The following PPCS variants were observed in gnomAD, a reference collection of about 807,000 sequenced individuals.
PPCS encodes the protein phosphopantothenoylcysteine synthetase.
In PPCS, 17 loss-of-function variants were observed where a neutral mutation model predicts 24.6. The observed-to-expected ratio is 0.69, with a 90% CI of 0.47 to 1.04. The LOEUF is 1.04. PPCS is among the 50% of genes least tolerant of loss of function. The pLI is 0.00. For synonymous variants in PPCS, 190 were observed against 168.3 expected (o/e 1.13, Z -1.00); for missense variants, 360 against 402.8 (o/e 0.89, Z 0.91).
At position 42,470,317 on chromosome 1, in the gene PPCS, T is replaced by C. The variant is rs79664191; in HGVS notation, n.378-2805T>C. On this transcript the variant is annotated intron_variant and non_coding_transcript_variant, in intron 2 of 2. Transcript: ENST00000471420. ...ATTTTTTTTTTAAAGTAACCCAAAGTAAGTGTTGACAAGGATGTGAAGATA... is the reference window on the plus strand; with the variant it reads ...ATTTTTTTTTTAAAGTAACCCAAAGCAAGTGTTGACAAGGATGTGAAGATA... 3.8e-3 allele frequency among the ~76,000 whole-genome samples: 582 copies of C among 151,734 alleles called. 1 individual carries two copies. Among genetic ancestry groups the C allele is most frequent in the African/African-American group, 0.012 (516 of 41,326 alleles).
At chr1:42,462,475 A>C (rs1177835941), downstream of PPCS, among the ~76,000 whole-genome samples, 1 of 152,186 alleles carries the variant, frequency 6.6e-6, no homozygotes, top group Non-Finnish European at 1.5e-5. Context: ...TTATTATATA[A>C]AGAGTAAAAT....
chr1:42,463,405 T>C (rs1643468584), downstream of PPCS: 1 of 152,160 alleles, frequency 6.6e-6, no homozygotes, highest in African/African-American at 2.4e-5. Context: ...GTTCTTGAGG[T>C]TCCTGCCTCA....
downstream of PPCS, among the ~76,000 whole-genome samples, chr1:42,465,373 G>GTTTT (rs113545104): frequency 0.019 from 2,946 of 152,058 alleles, 107 homozygotes; most frequent in African/African-American, 0.067. Flanking sequence ...GTTTTGTTTT[G>GTTTT]TTTTGTTTGA....
downstream of PPCS, among the ~76,000 whole-genome samples, chr1:42,465,595 C>A (rs776511873): frequency 3.3e-5 from 5 of 152,134 alleles, no homozygotes; most frequent in African/African-American, 1.2e-4. Context: ...GAACTCCTGA[C>A]CCCAGGTGAT....
intron 2 of PPCS, chr1:42,467,930 G>C (rs1643642046): frequency 6.6e-6 from 1 of 152,218 alleles, no homozygotes; most frequent in African/African-American, 2.4e-5. Flanking sequence ...TTTCAGCCTT[G>C]CTGATGAGCA....
downstream of PPCS, among the ~76,000 whole-genome samples, chr1:42,465,552 C>T (rs1167105264): frequency 3.9e-5 from 6 of 151,940 alleles, no homozygotes; most frequent in South Asian, 2.1e-4. Flanking sequence ...TTAGTAGAGA[C>T]GGGGTTTCTC....
In PPCS at chr1:42,456,751, C is replaced by G; in HGVS notation, c.186C>G (p.Ser62Arg). Residue 62 changes from serine (S) to arginine (R), a missense_variant, in exon 1 of 3, where the codon AGC becomes AGG. Physicochemically the swap from Ser to Arg is moderately radical, Grantham distance 110. Coordinates refer to ENST00000372561, the MANE Select transcript of PPCS (RefSeq NM_024664.4). ...TGCGCTTCCTGGACAACTTCAGCAG[C>G]GGGCGGCGCGGTGCAACCTCGGCCG... ...RPVRFLDNFSSGRRGATSAEA... is the reference protein window; with the variant it reads ...RPVRFLDNFSRGRRGATSAEA... 6.2e-7 allele frequency: 1 copy of G among 1,611,368 alleles called. No individual in the cohort carries two copies. Among genetic ancestry groups the G allele is most frequent in the African/African-American group, 1.3e-5 (1 of 75,046 alleles).
At chr1:42,470,361 G>A (rs1406943408) in intron 2 of PPCS, among the ~76,000 whole-genome samples, 2 of 151,980 alleles carry the variant, frequency 1.3e-5, no homozygotes, top group South Asian at 2.1e-4. Flanking sequence ...TGCATTGCTG[G>A]TAGGAACGTA....
At chr1:42,473,136 A>G in exon 3 of PPCS, 2 of 1,229,138 alleles carry the variant, frequency 1.6e-6, no homozygotes, top group Non-Finnish European at 2.0e-6. Context: ...AAGTTCAGTT[A>G]GAAGACATAC....
chr1:42,456,662 C>G lies in PPCS; in HGVS notation c.97C>G (p.Gln33Glu). 1.2e-6 allele frequency: 2 copies of G among 1,600,922 alleles called. No individual in the cohort carries two copies. Among genetic ancestry groups the G allele is most frequent in the Non-Finnish European group, 1.7e-6 (2 of 1,175,866 alleles). Residue 33 changes from glutamine to glutamate, a missense_variant, in exon 1 of 3, where the codon CAG becomes GAG. Around this residue, in one of 2 missense-constraint regions of PPCS, gnomAD observed 244 missense variants for 234.7 expected, o/e 1.04. Coordinates refer to ENST00000372561, the MANE Select transcript of PPCS (RefSeq NM_024664.4). ...MARFAARLGAQGRRVVLVTSG... is the reference protein window; with the variant it reads ...MARFAARLGAEGRRVVLVTSG... ...TCGCTTCGCGGCCAGGCTGGGCGCG[C>G]AGGGCCGGCGGGTGGTGTTGGTTAC...
At chr1:42,464,430 A>G (rs771719849), downstream of PPCS, among the ~76,000 whole-genome samples, 4 of 152,352 alleles carry the variant, frequency 2.6e-5, no homozygotes, top group South Asian at 6.2e-4. Flanking sequence ...TATGAACCCA[A>G]CACTGGGGAT....
rs188935592 is a variant in PPCS at position 42,466,910 on chromosome 1, C to T, written n.378-6212C>T. Among the ~76,000 whole-genome samples the T allele has an allele frequency of 2.3e-3, 344 of 152,240 alleles. 2 individuals are homozygous for T. The highest frequency in any genetic ancestry group is 8.0e-3 in the African/African-American group (331 of 41,528). On this transcript the variant is annotated intron_variant and non_coding_transcript_variant, in intron 2 of 2. Transcript: ENST00000471420. ...GCAATTTTAGGTACAGTTTAGATGT[C>T]AGAGCATTTATAATTTAGTTTTATT...
Position 42,456,813 on chromosome 1 carries a change from T to A in PPCS, c.248T>A (p.Leu83Ter), listed in dbSNP as rs749643907. 17 of 1,613,424 alleles carry A rather than the reference T, an allele frequency of 1.1e-5. No individual in the cohort carries two copies. The change falls in exon 1 of 3, where the codon TTG (leucine) becomes TAG (stop). Residue 83 changes from leucine to a stop codon, truncating the protein, a stop_gained. Coordinates refer to ENST00000372561, the MANE Select transcript of PPCS (RefSeq NM_024664.4). LOFTEE classifies it high-confidence loss of function. ...FLAAGYGVLF[L>*]YRARSAFPYA... ...GCCGCCGGCTACGGGGTCCTGTTCT[T>A]GTATCGCGCTCGCTCTGCCTTCCCC...
chr1:42,472,991 C>G (rs1643818973), intron 2 of PPCS: 1 of 789,878 alleles, frequency 1.3e-6, no homozygotes, highest in Non-Finnish European at 1.7e-6. Context: ...AGCTTACTAG[C>G]TTTCTATTGC....
intron 2 of PPCS, among the ~76,000 whole-genome samples, chr1:42,472,311 G>T (rs1298944540): frequency 6.6e-6 from 1 of 152,042 alleles, no homozygotes; most frequent in Non-Finnish European, 1.5e-5. Context: ...TCGATCAGCA[G>T]ATATTTATCT....
rs1273190746 is a variant in PPCS at position 42,457,315 on chromosome 1, G to C, written c.577G>C (p.Glu193Gln). ...DFYVPVSEMP[E>Q]HKIQSSGGPL... ...CTATGTTCCTGTCTCTGAAATGCCT[G>C]AACACAAGATCCAGTCATCTGGGGG... is the stretch of plus-strand genomic sequence containing the variant. Residue 193 changes from glutamate (E) to glutamine (Q), a missense_variant, in exon 2 of 3, where the codon GAA becomes CAA. By Grantham distance (29) the Glu-to-Gln change is conservative. Coordinates refer to ENST00000372561, the MANE Select transcript of PPCS (RefSeq NM_024664.4). 6.2e-7 allele frequency: 1 copy of C among 1,614,206 alleles called. No individual in the cohort carries two copies. Among genetic ancestry groups the C allele is most frequent in the South Asian group, 1.1e-5 (1 of 91,088 alleles).
rs1643378241 is a variant in PPCS at position 42,460,376 on chromosome 1, C to T, written c.*450C>T. Reference sequence around the variant, plus strand: ...AATGGATGTATAAAAAAATCAAGTGCAATAAAGTGTGTGTCCAAAAGCTGA... The same window carrying T: ...AATGGATGTATAAAAAAATCAAGTGTAATAAAGTGTGTGTCCAAAAGCTGA... On this transcript the variant is annotated 3_prime_UTR_variant, in exon 3 of 3. Coordinates refer to ENST00000372561, the MANE Select transcript of PPCS (RefSeq NM_024664.4). The T allele has an allele frequency of 2.0e-6, 2 of 986,704 alleles. No individual in the cohort carries two copies. The highest frequency in any genetic ancestry group is 6.1e-5 in the Admixed American group (1 of 16,468). 61.1% of individuals were successfully genotyped at this position (986,704 alleles called of 1,614,324 possible).
At chr1:42,469,303 G>A (rs1240654592) in intron 2 of PPCS, among the ~76,000 whole-genome samples, 1 of 152,208 alleles carries the variant, frequency 6.6e-6, no homozygotes, top group African/African-American at 2.4e-5. Flanking sequence ...GATCACTAGA[G>A]CGCAGGAGTT....
chr1:42,468,986 T>G (rs1643677844), intron 2 of PPCS, among the ~76,000 whole-genome samples: 1 of 146,412 alleles, frequency 6.8e-6, no homozygotes, highest in Admixed American at 6.8e-5. Flanking sequence ...GACATAGGAG[T>G]CAAAACAGGA....
Sources: allele counts gnomAD v4.1 joint callset (sites outside exome capture counted in the v4.1 genomes callset), GRCh38; gene constraint gnomAD v4.1.1; regional missense constraint gnomAD v4.1.1; transcripts MANE v1.5; gene names NCBI Gene and HGNC (gene_info 2026-07-23, HGNC 2026-07-21).